Variants in GLRA2 observed in about 807,000 individuals in gnomAD.
The protein encoded by GLRA2 is glycine receptor subunit alpha-2.
In GLRA2, 11 loss-of-function variants were observed where a neutral mutation model predicts 31.6. The ratio of observed to expected loss-of-function variants is 0.35; its 90% CI spans 0.22 to 0.58. GLRA2 has a LOEUF of 0.58. Ranked by LOEUF, GLRA2 falls within the 20% of genes least tolerant of loss-of-function variation. The probability of loss-of-function intolerance (pLI) is 0.84; values close to 1 mark genes in which losing one functional copy is unlikely to be tolerated. For synonymous variants in GLRA2, 132 were observed against 134.0 expected (o/e 0.99, Z 0.10); for missense variants, 212 against 351.8 (o/e 0.60, Z 3.18).
intron 2 of GLRA2, among the ~76,000 whole-genome samples, chrX:14,548,275 G>A (rs186019146): frequency 9.0e-6 from 1 of 111,309 alleles, no homozygotes; most frequent in Non-Finnish European, 1.9e-5. Flanking sequence ...ATTAGAAAAT[G>A]ACAACAGGGA....
chrX:14,519,011 C>CAAAAA, the GLRA2 span, among the ~76,000 whole-genome samples: 8 of 27,270 alleles, frequency 2.9e-4, no homozygotes, highest in Non-Finnish European at 4.7e-4. Context: ...GACTCGGTCT[C>CAAAAA]AAAAAAAAAA....
At position 14,663,151 on chromosome X, in the gene GLRA2, T is replaced by C. The variant is rs371027981; in HGVS notation, c.931-27559T>C. 3.3e-4 allele frequency among the ~76,000 whole-genome samples: 37 copies of C among 111,548 alleles called. 1 individual carries two copies. In the East Asian group the frequency reaches 0.01, roughly 31 times the overall value. On this transcript the variant is annotated intron_variant, in intron 7 of 8. Coordinates refer to ENST00000218075, the MANE Select transcript of GLRA2 (RefSeq NM_002063.4). ...GCCTTAATGTCTACCTTGAGTACAATGTTGCATAATAATGCTAATGTAGGT... is the reference window on the plus strand; with the variant it reads ...GCCTTAATGTCTACCTTGAGTACAACGTTGCATAATAATGCTAATGTAGGT...
chrX:14,699,011 T>C (rs2091494343), intron 8 of GLRA2, among the ~76,000 whole-genome samples: 1 of 111,769 alleles, frequency 8.9e-6, no homozygotes, highest in Non-Finnish European at 1.9e-5. Flanking sequence ...TTGATTATCT[T>C]TTCTAGGTTT....
intron 2 of GLRA2, among the ~76,000 whole-genome samples, chrX:14,564,773 G>A (rs1008508106): frequency 1.8e-5 from 2 of 111,779 alleles, no homozygotes; most frequent in African/African-American, 6.5e-5. Flanking sequence ...AGAGAGAATG[G>A]TGTTGTATAA....
intron 8 of GLRA2, among the ~76,000 whole-genome samples, chrX:14,729,020 A>G (rs1397908767): frequency 8.9e-6 from 1 of 112,493 alleles, no homozygotes; most frequent in Non-Finnish European, 1.9e-5. Flanking sequence ...TCATTTAAGT[A>G]CACAAGGTAC....
the GLRA2 span, among the ~76,000 whole-genome samples, chrX:14,507,804 C>T: frequency 5.9e-5 from 6 of 102,020 alleles, no homozygotes; most frequent in Middle Eastern, 5.0e-3. Context: ...AGCGATTCTC[C>T]TGCCTCATCC....
At chrX:14,700,621 A>G (rs995911783) in intron 8 of GLRA2, among the ~76,000 whole-genome samples, 4 of 111,979 alleles carry the variant, frequency 3.6e-5, no homozygotes, top group African/African-American at 1.3e-4. Flanking sequence ...TAACCTCAAC[A>G]ACAGCAGGCT....
At chrX:14,550,552 G>A (rs1013669009) in intron 2 of GLRA2, among the ~76,000 whole-genome samples, 1 of 110,603 alleles carries the variant, frequency 9.0e-6, no homozygotes, top group African/African-American at 3.3e-5. Flanking sequence ...GCCACAGAAG[G>A]GCTGCTGCCA....
At chrX:14,655,120 G>T (rs939629172) in intron 7 of GLRA2, among the ~76,000 whole-genome samples, 2 of 111,402 alleles carry the variant, frequency 1.8e-5, no homozygotes, top group South Asian at 3.8e-4. Flanking sequence ...AGGGAGAGCT[G>T]TTTGGATTAG....
At chrX:14,514,543 A>G in the GLRA2 span, among the ~76,000 whole-genome samples, 1 of 111,718 alleles carries the variant, frequency 9.0e-6, no homozygotes, top group Non-Finnish European at 1.9e-5. Context: ...TAATTCCAGT[A>G]TCTTGGACTC....
Position 14,704,927 on chromosome X carries a change from G to A in GLRA2, c.1080+14068G>A, listed in dbSNP as rs541054423. On this transcript the variant is annotated intron_variant, in intron 8 of 8. Coordinates refer to ENST00000218075, the MANE Select transcript of GLRA2 (RefSeq NM_002063.4). Reference sequence around the variant, plus strand: ...AGGTAGAGAATTTTAAGAACCATAAGAGAGTTATAGTTGGAGCTGTGGCAA... The same window carrying A: ...AGGTAGAGAATTTTAAGAACCATAAAAGAGTTATAGTTGGAGCTGTGGCAA... Among the ~76,000 whole-genome samples the A allele has an allele frequency of 1.3e-3, 142 of 112,142 alleles. 1 individual carries two copies. Among genetic ancestry groups the A allele is most frequent in the Middle Eastern group, 4.7e-3 (1 of 215 alleles).
At chrX:14,564,511 T>C (rs1474585240) in intron 2 of GLRA2, among the ~76,000 whole-genome samples, 2 of 111,925 alleles carry the variant, frequency 1.8e-5, no homozygotes, top group African/African-American at 3.2e-5. Context: ...AGAAGTCTTA[T>C]GAATAAATAA....
At chrX:14,515,817 T>C in the GLRA2 span, among the ~76,000 whole-genome samples, 1 of 111,824 alleles carries the variant, frequency 8.9e-6, no homozygotes, top group Non-Finnish European at 1.9e-5. Context: ...TGTTATGCCA[T>C]GTGTCTTGAG....
chrX:14,668,104 A>C (rs374867747), intron 7 of GLRA2, among the ~76,000 whole-genome samples: 7 of 111,545 alleles, frequency 6.3e-5, no homozygotes, highest in African/African-American at 2.3e-4. Flanking sequence ...GTTGTTGGCA[A>C]GATTCAGTTC....
the GLRA2 span, among the ~76,000 whole-genome samples, chrX:14,463,320 G>A: frequency 8.9e-6 from 1 of 111,747 alleles, no homozygotes. Context: ...ACCCACTTGA[G>A]GAGGTAGTCT....
intron 7 of GLRA2, among the ~76,000 whole-genome samples, chrX:14,639,999 A>G (rs2090755924): frequency 1.8e-5 from 2 of 112,080 alleles, no homozygotes; most frequent in Non-Finnish European, 3.8e-5. Context: ...AATTGGAAGA[A>G]TACCTTGCAA....
At chrX:14,462,960 G>C in the GLRA2 span, among the ~76,000 whole-genome samples, 1 of 111,850 alleles carries the variant, frequency 8.9e-6, no homozygotes, top group Non-Finnish European at 1.9e-5. Context: ...ATTCTGCTCT[G>C]GTTTCTCTCC....
At chrX:14,664,867 G>A (rs895167769) in intron 7 of GLRA2, among the ~76,000 whole-genome samples, 1 of 111,662 alleles carries the variant, frequency 9.0e-6, no homozygotes, top group Non-Finnish European at 1.9e-5. Context: ...TAGATACATT[G>A]GAGGTGTCCG....
chrX:14,656,740 G>C (rs1212302605), intron 7 of GLRA2, among the ~76,000 whole-genome samples: 1 of 112,189 alleles, frequency 8.9e-6, no homozygotes, highest in Non-Finnish European at 1.9e-5. Context: ...AGCCAAGACA[G>C]AAAAAGCCTT....
Sources: gnomAD v4.1 joint callset for allele counts (sites outside exome capture counted in the v4.1 genomes callset) on GRCh38, gnomAD v4.1.1 for gene constraint, MANE v1.5 for transcripts, NCBI Gene and HGNC (gene_info 2026-07-23, HGNC 2026-07-21) for gene names.